C8A: variants seen among roughly 807,000 people sequenced by gnomAD.
C8A encodes complement component C8 alpha chain.
C8A carries 67 observed loss-of-function variants against 65.3 expected under a neutral mutation model. The observed-to-expected ratio is 1.03, with a 90% confidence interval of 0.84 to 1.26. The LOEUF (loss-of-function observed/expected upper bound fraction) is 1.26. Ranked by LOEUF, C8A falls within the 50% of genes most tolerant of loss-of-function variation. The probability of loss-of-function intolerance (pLI) is 0.00; values close to 1 mark genes in which losing one functional copy is unlikely to be tolerated. For synonymous variants in C8A, 290 were observed against 259.4 expected (o/e 1.12, Z -1.13); for missense variants, 781 against 723.9 (o/e 1.08, Z -0.90).
chr1:56,889,898 A>C (rs1644331088), intron 7 of C8A, among the ~76,000 whole-genome samples: 1 of 152,108 alleles, frequency 6.6e-6, no homozygotes, highest in Non-Finnish European at 1.5e-5. Context: ...GTTAGACTTC[A>C]ATGAGATCCT....
Position 56,876,005 on chromosome 1 carries a change from G to T in C8A, c.317-57G>T. Reference sequence around the variant, plus strand: ...GGAAGAAAGGACTTACTGATTGTGGGTGTGAGTCTGGAGGGAGAGGGGAAC... The same window carrying T: ...GGAAGAAAGGACTTACTGATTGTGGTTGTGAGTCTGGAGGGAGAGGGGAAC... On this transcript the variant is annotated intron_variant, in intron 3 of 10. Transcript: ENST00000361249. 3 of 1,592,844 alleles carry T rather than the reference G, an allele frequency of 1.9e-6. No homozygotes were observed. In the East Asian group the frequency reaches 6.8e-5, roughly 36 times the overall value.
At chr1:56,912,684 A>G (rs1644519265) in intron 10 of C8A, 59 bp downstream of exon 10, 3 of 1,528,506 alleles carry the variant, frequency 2.0e-6, no homozygotes, top group East Asian at 2.3e-5. Context: ...GGGCCAGTGC[A>G]AAAAGGACTT....
intron 7 of C8A, among the ~76,000 whole-genome samples, chr1:56,899,578 C>T (rs1644411475): frequency 6.6e-6 from 1 of 152,136 alleles, no homozygotes; most frequent in Non-Finnish European, 1.5e-5. Context: ...CACCGGGTGC[C>T]CTTGTCCTCC....
chr1:56,889,391 A>G (rs997275822), intron 7 of C8A, among the ~76,000 whole-genome samples: 1 of 152,136 alleles, frequency 6.6e-6, no homozygotes, highest in African/African-American at 2.4e-5. Flanking sequence ...TGTTTGCTAT[A>G]TTGGGCTGGT....
At chr1:56,907,916 T>C (rs1272567926) in intron 8 of C8A, 40 bp from the exon 9 acceptor site, 3 of 1,613,236 alleles carry the variant, frequency 1.9e-6, no homozygotes, top group Non-Finnish European at 1.7e-6. Context: ...CTTGGGCTTT[T>C]TGGGAAATGA....
intron 2 of C8A, among the ~76,000 whole-genome samples, chr1:56,874,239 A>G (rs1557700558): frequency 6.6e-6 from 1 of 152,204 alleles, no homozygotes; most frequent in Non-Finnish European, 1.5e-5. Context: ...CAATCCTTGA[A>G]GCAATGATTA....
chr1:56,860,140 A>G (rs1161368759), intron 1 of C8A, among the ~76,000 whole-genome samples: 1 of 152,210 alleles, frequency 6.6e-6, no homozygotes, highest in African/African-American at 2.4e-5. Context: ...AGGATATCAG[A>G]GCAATCTAAA....
At chr1:56,899,880 G>T (rs1033398647) in intron 7 of C8A, among the ~76,000 whole-genome samples, 1 of 152,188 alleles carries the variant, frequency 6.6e-6, no homozygotes, top group Non-Finnish European at 1.5e-5. Context: ...CCATCTTACA[G>T]ATGGGAAAAC....
intron 10 of C8A, among the ~76,000 whole-genome samples, chr1:56,916,897 C>T (rs1774890): frequency 0.1 from 15,604 of 152,204 alleles, 1,248 homozygotes; most frequent in African/African-American, 0.22. Context: ...TCACCCTCTG[C>T]GGCTCCATTG....
intron 9 of C8A, among the ~76,000 whole-genome samples, chr1:56,912,090 C>G (rs1181326553): frequency 6.6e-6 from 1 of 152,204 alleles, no homozygotes; most frequent in South Asian, 2.1e-4. Flanking sequence ...ATGTGCCTCA[C>G]GTCCTAGCTG....
intron 7 of C8A, among the ~76,000 whole-genome samples, chr1:56,901,043 T>C (rs768700991): frequency 2.6e-4 from 39 of 152,162 alleles, no homozygotes; most frequent in Admixed American, 1.2e-3. Context: ...ACTGAGGTAC[T>C]CATTTTATTC....
intron 1 of C8A, among the ~76,000 whole-genome samples, chr1:56,865,952 T>C (rs904231226): frequency 2.6e-5 from 4 of 152,222 alleles, no homozygotes; most frequent in Admixed American, 6.5e-5. Context: ...ACAAGATCCA[T>C]TCAAAGTATA....
intron 7 of C8A, among the ~76,000 whole-genome samples, chr1:56,896,998 G>A (rs1487222386): frequency 1.3e-5 from 2 of 152,144 alleles, no homozygotes; most frequent in South Asian, 2.1e-4. Context: ...ACATGTCCAA[G>A]GTGACACAGC....
chr1:56,859,828 G>C (rs1000935647), intron 1 of C8A, among the ~76,000 whole-genome samples: 1 of 152,118 alleles, frequency 6.6e-6, no homozygotes, highest in Admixed American at 6.5e-5. Flanking sequence ...TTGGGAGGAC[G>C]AGGCAGGTGG....
chr1:56,908,226 A>G (rs1255684247), intron 9 of C8A, 113 bp downstream of exon 9: 1 of 1,233,726 alleles, frequency 8.1e-7, no homozygotes, highest in Non-Finnish European at 1.2e-6. Flanking sequence ...GATTAAATGT[A>G]ATGGCACACT....
chr1:56,872,206 A>G (rs1644152843), intron 2 of C8A, among the ~76,000 whole-genome samples: 2 of 152,212 alleles, frequency 1.3e-5, no homozygotes, highest in South Asian at 2.1e-4. Context: ...CTCATTCTCA[A>G]TGAAGTGGAA....
chr1:56,916,346 C>T (rs1181784147), intron 10 of C8A, among the ~76,000 whole-genome samples: 1 of 152,160 alleles, frequency 6.6e-6, no homozygotes, highest in Non-Finnish European at 1.5e-5. Flanking sequence ...GAACTTTCAG[C>T]CTGATGGAGA....
intron 1 of C8A, 133 bp downstream of exon 1, chr1:56,855,111 G>A: frequency 1.3e-6 from 1 of 766,628 alleles, no homozygotes. Context: ...TACTACTCCT[G>A]TGGAGGAGGA....
At chr1:56,884,591 T>A (rs1488514736) in intron 6 of C8A, among the ~76,000 whole-genome samples, 1 of 152,168 alleles carries the variant, frequency 6.6e-6, no homozygotes, top group East Asian at 1.9e-4. Context: ...AGTCCTATAT[T>A]GTTCAAGGGT....
Sources: gnomAD v4.1 joint callset for allele counts (sites outside exome capture counted in the v4.1 genomes callset) on GRCh38, gnomAD v4.1.1 for gene constraint, MANE v1.5 for transcripts, NCBI Gene and HGNC (gene_info 2026-07-23, HGNC 2026-07-21) for gene names.